The following NDUFS2 variants were observed in gnomAD, a reference collection of about 807,000 sequenced individuals.
NDUFS2 encodes NADH:ubiquinone oxidoreductase core subunit S2.
NDUFS2 carries 38 observed loss-of-function variants against 69.6 expected under a neutral mutation model. The ratio of observed to expected loss-of-function variants is 0.55; its 90% confidence interval spans 0.42 to 0.72. The LOEUF (loss-of-function observed/expected upper bound fraction) is 0.72. Among genes scored for constraint, NDUFS2 ranks in the 30% least tolerant of loss-of-function variants. The pLI, the probability that NDUFS2 is intolerant of heterozygous loss-of-function variation, is 0.00. For synonymous variants in NDUFS2, 194 were observed against 211.2 expected, an observed-to-expected ratio of 0.92 and a Z score of 0.70; for missense variants, 468 against 595.0, an observed-to-expected ratio of 0.79 and a Z score of 2.22.
Position 161,203,647 on chromosome 1 carries a change from G to C in NDUFS2, c.202+104G>C, listed in dbSNP as rs1055645142. 9.2e-6 allele frequency: 9 copies of C among 979,030 alleles called. No individual in the cohort carries two copies. In the Admixed American group the frequency reaches 1.0e-4, roughly 11 times the overall value. The allele number at this position is 979,030 out of a possible 1,614,324, so 60.6% of individuals were successfully genotyped here. A position where few individuals can be genotyped will look rare whatever the true frequency, so the allele number is the denominator to read the frequency against. Reference sequence around the variant, plus strand: ...GTTTCCCTCTGTCTCCCTGGCTGGAGTGCAGTGGTGCGAAAGTGGCTCACT... The same window carrying C: ...GTTTCCCTCTGTCTCCCTGGCTGGACTGCAGTGGTGCGAAAGTGGCTCACT... On this transcript the variant is annotated intron_variant, in intron 2 of 13. Coordinates refer to ENST00000676972, the MANE Select transcript of NDUFS2 (RefSeq NM_001377299.1).
intron 8 of NDUFS2, 80 bp from the exon 9 acceptor site, chr1:161,210,511 A>G: frequency 1.2e-6 from 2 of 1,610,814 alleles, no homozygotes; most frequent in South Asian, 2.2e-5. Flanking sequence ...GTGAAGGATC[A>G]ACAAGGGAGG....
rs1665944564 is a variant in NDUFS2 at position 161,214,378 on chromosome 1, G to C, written c.*185G>C. 3.0e-6 allele frequency: 2 copies of C among 663,888 alleles called. No homozygotes were observed. Among genetic ancestry groups the C allele is most frequent in the Non-Finnish European group, 5.3e-6 (2 of 379,248 alleles). The allele number at this position is 663,888 out of a possible 1,614,324, so 41.1% of individuals were successfully genotyped here. A position where few individuals can be genotyped will look rare whatever the true frequency, so the allele number is the denominator to read the frequency against. On this transcript the variant is annotated 3_prime_UTR_variant, in exon 14 of 14. Transcript: ENST00000676972. ...GAAATTATAATAAATTAGCCGTCTT[G>C]CGGCCCCTAGGCCTAAACTTCTGGT...
upstream of NDUFS2, among the ~76,000 whole-genome samples, chr1:161,200,470 G>T (rs193065721): frequency 2.9e-4 from 44 of 152,238 alleles, no homozygotes; most frequent in Admixed American, 5.9e-4. Context: ...TTTCCCAGAA[G>T]TGGACCACCT....
At chr1:161,213,810 C>G in intron 12 of NDUFS2, 54 bp from the exon 13 acceptor site, 1 of 1,611,604 alleles carries the variant, frequency 6.2e-7, no homozygotes. Context: ...ACTCTTCTTT[C>G]TCCTCCCACC....
At position 161,202,646 on chromosome 1, in the gene NDUFS2, G is replaced by C. The variant is rs188319017; in HGVS notation, c.95+166G>C. Reference sequence around the variant, plus strand: ...GTGGCGCCCACTCTGGCGAGGGAGGGGAGAGGGTCTAGAGTTCGTTCGTGC... The same window carrying C: ...GTGGCGCCCACTCTGGCGAGGGAGGCGAGAGGGTCTAGAGTTCGTTCGTGC... On this transcript the variant is annotated intron_variant, in intron 1 of 13. Transcript: ENST00000676972. Among the ~76,000 whole-genome samples the C allele has an allele frequency of 1.3e-3, 193 of 152,268 alleles. 1 individual carries two copies. The highest frequency in any genetic ancestry group is 1.7e-3 in the Non-Finnish European group (116 of 68,024).
At position 161,202,424 on chromosome 1, in the gene NDUFS2, C is replaced by A. The variant is rs139722814; in HGVS notation, c.39C>A (p.Val13=). The A allele has an allele frequency of 1.0e-4, 166 of 1,612,752 alleles. No homozygotes were observed. The highest frequency in any genetic ancestry group is 1.4e-5 in the Non-Finnish European group (17 of 1,179,736). The change falls in exon 1 of 14, where the codon GTC becomes GTA. Residue 13 remains valine, a synonymous_variant. Transcript: ENST00000676972. ...ALRALCGFRG[V]AAQVLRPGAG... ...GGGCTTTGTGCGGCTTCCGGGGCGT[C>A]GCGGCCCAGGTGCTGCGGCCTGGGG...
At chr1:161,212,140 GGCTGCAGTGA>G (rs1458980579) in intron 9 of NDUFS2, among the ~76,000 whole-genome samples, 5 of 151,896 alleles carry the variant, frequency 3.3e-5, no homozygotes, top group Non-Finnish European at 7.4e-5. Context: ...CAGAGTTCGA[GGCTGCAGTGA>G]GCTGTGAAAC....
At chr1:161,206,751 G>A (rs555488477) in intron 3 of NDUFS2, among the ~76,000 whole-genome samples, 154 bp downstream of exon 3, 11 of 152,306 alleles carry the variant, frequency 7.2e-5, no homozygotes, top group African/African-American at 2.6e-4. Context: ...GAGGGAAGTG[G>A]CAGGGGATGC....
At chr1:161,207,246 C>A (rs190817329) in intron 3 of NDUFS2, among the ~76,000 whole-genome samples, 66 of 152,296 alleles carry the variant, frequency 4.3e-4, no homozygotes, top group Non-Finnish European at 8.4e-4. Context: ...CCCAAGAGAG[C>A]CTCGGCGATG....
intron 2 of NDUFS2, among the ~76,000 whole-genome samples, chr1:161,204,481 T>C (rs1055169876): frequency 6.6e-6 from 1 of 152,220 alleles, no homozygotes; most frequent in Non-Finnish European, 1.5e-5. Context: ...CCCTGATTAT[T>C]TTAGGAGTCT....
chr1:161,212,078 G>A (rs74469233), intron 9 of NDUFS2, among the ~76,000 whole-genome samples: 3 of 151,722 alleles, frequency 2.0e-5, no homozygotes, highest in Non-Finnish European at 1.5e-5. Context: ...GGTGGTGCAC[G>A]CCTGTAATCC....
chr1:161,214,356 A>G lies in NDUFS2; in HGVS notation c.*163A>G, dbSNP rs1665943555. 1.4e-6 allele frequency: 1 copy of G among 733,250 alleles called. No homozygotes were observed. Among genetic ancestry groups the G allele is most frequent in the Non-Finnish European group, 2.3e-6 (1 of 429,304 alleles). The allele number at this position is 733,250 out of a possible 1,614,324, so 45.4% of individuals were successfully genotyped here. Reference sequence around the variant, plus strand: ...CTGTGCATGTACTAAAAAAGGAGAAATTATAATAAATTAGCCGTCTTGCGG... The same window carrying G: ...CTGTGCATGTACTAAAAAAGGAGAAGTTATAATAAATTAGCCGTCTTGCGG... On this transcript the variant is annotated 3_prime_UTR_variant, in exon 14 of 14. Transcript: ENST00000676972.
chr1:161,213,938 G>GTTACTACC lies in NDUFS2; in HGVS notation c.1354+18_1354+19insTACTACCT. On this transcript the variant is annotated intron_variant, in intron 13 of 13. Transcript: ENST00000676972. Reference sequence around the variant, plus strand: ...CCATCATAGGTACGAGGCCTATTGTGTAGTAGAGGTATCCTAGACAAAGGA... The same window carrying GTTACTACC: ...CCATCATAGGTACGAGGCCTATTGTGTTACTACCTAGTAGAGGTATCCTAGACAAAGGA... The GTTACTACC allele has an allele frequency of 1.2e-6, 2 of 1,614,190 alleles. No individual in the cohort carries two copies. The highest frequency in any genetic ancestry group is 1.7e-6 in the Non-Finnish European group (2 of 1,180,032).
chr1:161,212,241 G>C, intron 9 of NDUFS2, 110 bp from the exon 10 acceptor site: 3 of 1,356,556 alleles, frequency 2.2e-6, no homozygotes, highest in Non-Finnish European at 2.1e-6. Context: ...TTGGAGAAAA[G>C]AGTGGGGAGA....
At chr1:161,200,650 C>T (rs547330898), upstream of NDUFS2, among the ~76,000 whole-genome samples, 1 of 152,272 alleles carries the variant, frequency 6.6e-6, no homozygotes, top group Non-Finnish European at 1.5e-5. Context: ...GCCAGACCCA[C>T]CTCTTGACCC....
In NDUFS2 at chr1:161,209,324, C is replaced by A; in HGVS notation, c.514+11C>A. On this transcript the variant is annotated intron_variant, in intron 4 of 13. Coordinates refer to ENST00000676972, the MANE Select transcript of NDUFS2 (RefSeq NM_001377299.1). Reference sequence around the variant, plus strand: ...CACAGTGGATCCGAGGTATGTCCCCCCAACTTTTTCTGTGGCCCACTGTGA... The same window carrying A: ...CACAGTGGATCCGAGGTATGTCCCCACAACTTTTTCTGTGGCCCACTGTGA... The A allele has an allele frequency of 6.2e-7, 1 of 1,614,142 alleles. No individual in the cohort carries two copies. The highest frequency in any genetic ancestry group is 8.5e-7 in the Non-Finnish European group (1 of 1,180,030).
intron 3 of NDUFS2, among the ~76,000 whole-genome samples, chr1:161,208,600 A>G (rs1558084466): frequency 6.6e-6 from 1 of 152,246 alleles, no homozygotes; most frequent in Non-Finnish European, 1.5e-5. Context: ...TGCCCGGCCA[A>G]GGACTCTTGA....
chr1:161,213,457 T>A lies in NDUFS2; in HGVS notation c.1194T>A (p.Thr398=). The change falls in exon 11 of 14, where the codon ACT becomes ACA. Residue 398 remains threonine, a synonymous_variant. Transcript: ENST00000676972. ...AAGTTCCTCCAGGAGCCACATATACTGCCATTGAGGCTCCCAAGGTAAGGA... is the reference window on the plus strand; with the variant it reads ...AAGTTCCTCCAGGAGCCACATATACAGCCATTGAGGCTCCCAAGGTAAGGA... ...GYQVPPGATY[T]AIEAPKGEFG... is the part of the protein sequence containing the mutation. 6.2e-7 allele frequency: 1 copy of A among 1,610,396 alleles called. No homozygotes were observed. The highest frequency in any genetic ancestry group is 1.1e-5 in the South Asian group (1 of 90,516).
chr1:161,210,223 C>T (rs200452962), intron 7 of NDUFS2, 35 bp downstream of exon 7: 2 of 1,611,382 alleles, frequency 1.2e-6, no homozygotes, highest in East Asian at 2.2e-5. Context: ...ATCTCTCCCC[C>T]ACAAGAAGGG....
Sources: allele counts gnomAD v4.1 joint callset (sites outside exome capture counted in the v4.1 genomes callset), GRCh38; gene constraint gnomAD v4.1.1; transcripts MANE v1.5; gene names NCBI Gene and HGNC (gene_info 2026-07-23, HGNC 2026-07-21).